IQCM: variants seen among roughly 807,000 people sequenced by gnomAD.
IQCM encodes IQ domain-containing protein M.
A neutral mutation model predicts 57.6 loss-of-function variants in IQCM; 45 were observed. The observed-to-expected ratio is 0.78, with a 90% CI of 0.62 to 1.00. IQCM has a LOEUF of 1.00. Ranked by LOEUF, IQCM falls within the 50% of genes least tolerant of loss-of-function variation. The pLI, the probability that IQCM is intolerant of heterozygous loss-of-function variation, is 0.00. For synonymous variants in IQCM, 148 were observed against 158.9 expected (o/e 0.93, Z 0.51); for missense variants, 468 against 511.6 (o/e 0.91, Z 0.82).
chr4:149,366,657 C>G (rs1304025879), intron 13 of IQCM, among the ~76,000 whole-genome samples: 1 of 151,626 alleles, frequency 6.6e-6, no homozygotes, highest in Non-Finnish European at 1.5e-5. Context: ...TTAGAAAATA[C>G]ATAACAGCAT....
At chr4:149,559,122 G>T (rs1194143963) in intron 10 of IQCM, among the ~76,000 whole-genome samples, 1 of 151,910 alleles carries the variant, frequency 6.6e-6, no homozygotes, top group Admixed American at 6.6e-5. Flanking sequence ...CAAACCCAAA[G>T]TCCTATCAAC....
intron 12 of IQCM, among the ~76,000 whole-genome samples, chr4:149,515,873 CTG>C (rs1744907520): frequency 6.6e-6 from 1 of 152,174 alleles, no homozygotes; most frequent in Non-Finnish European, 1.5e-5. Flanking sequence ...TGGTCAAAAA[CTG>C]TGAAGATATA....
At chr4:149,698,484 A>C (rs2149808396) in intron 5 of IQCM, among the ~76,000 whole-genome samples, 1 of 152,246 alleles carries the variant, frequency 6.6e-6, no homozygotes, top group African/African-American at 2.4e-5. Context: ...GTTCTCTACG[A>C]TGTTAGCAGA....
At chr4:149,512,620 A>C (rs1744544259) in intron 12 of IQCM, among the ~76,000 whole-genome samples, 1 of 152,198 alleles carries the variant, frequency 6.6e-6, no homozygotes, top group African/African-American at 2.4e-5. Context: ...ACTTACAATT[A>C]TGAAATCCAA....
At chr4:149,730,528 A>C (rs1190810593) in intron 5 of IQCM, among the ~76,000 whole-genome samples, 1 of 152,220 alleles carries the variant, frequency 6.6e-6, no homozygotes, top group Non-Finnish European at 1.5e-5. Flanking sequence ...TGTTCTAGTC[A>C]TGTAAAATCA....
chr4:149,398,634 T>G (rs373172599), intron 13 of IQCM, among the ~76,000 whole-genome samples: 1 of 152,122 alleles, frequency 6.6e-6, no homozygotes, highest in Non-Finnish European at 1.5e-5. Context: ...GTTTTCTTAA[T>G]GTACTTTCTG....
chr4:149,476,965 C>A (rs1740269332), intron 12 of IQCM, among the ~76,000 whole-genome samples: 1 of 152,122 alleles, frequency 6.6e-6, no homozygotes, highest in African/African-American at 2.4e-5. Flanking sequence ...AAGAGCCTCA[C>A]AAATACAGGA....
intron 5 of IQCM, among the ~76,000 whole-genome samples, chr4:149,699,905 A>G (rs1049807979): frequency 6.6e-6 from 1 of 151,766 alleles, no homozygotes; most frequent in Non-Finnish European, 1.5e-5. Flanking sequence ...CTTTCCCTCT[A>G]TCTCTTTCTC....
chr4:149,567,131 A>C lies in IQCM; in HGVS notation c.750-3241T>G, dbSNP rs367962238. Among the ~76,000 whole-genome samples, 3 of 152,056 alleles carry C rather than the reference A, an allele frequency of 2.0e-5. No individual in the cohort carries two copies. The East Asian group carries it at 5.8e-4, about 29-fold the overall frequency. ...AATATCAAAAAGTTCCTTTTATCAC[A>C]TAAGTATTCCTTTTATTGTGCTTGT... is the stretch of plus-strand genomic sequence containing the variant. On this transcript the variant is annotated intron_variant, in intron 9 of 13. Transcript: ENST00000636793.
chr4:149,638,681 T>A (rs989416941), intron 7 of IQCM, among the ~76,000 whole-genome samples: 2 of 152,218 alleles, frequency 1.3e-5, no homozygotes, highest in African/African-American at 4.8e-5. Context: ...ATATCAGCTA[T>A]TGACTAATTC....
chr4:149,656,334 G>T (rs568721851), intron 7 of IQCM, among the ~76,000 whole-genome samples: 37 of 151,824 alleles, frequency 2.4e-4, no homozygotes, highest in African/African-American at 8.0e-4. Context: ...AAATCATTTT[G>T]GAATCATCTT....
intron 7 of IQCM, among the ~76,000 whole-genome samples, chr4:149,633,328 T>C (rs1274903115): frequency 6.6e-6 from 1 of 152,166 alleles, no homozygotes; most frequent in African/African-American, 2.4e-5. Context: ...TTCAGTCCTT[T>C]CATCAGAAAG....
chr4:149,679,553 T>G (rs1762022263), intron 7 of IQCM, among the ~76,000 whole-genome samples: 1 of 151,558 alleles, frequency 6.6e-6, no homozygotes, highest in Non-Finnish European at 1.5e-5. Context: ...GACAAATATT[T>G]ATGGTGATGG....
chr4:149,750,873 A>C (rs1768373611), intron 2 of IQCM, among the ~76,000 whole-genome samples: 1 of 152,256 alleles, frequency 6.6e-6, no homozygotes, highest in South Asian at 2.1e-4. Context: ...CAACTGTTCC[A>C]ATAGAATTAT....
chr4:149,782,024 G>C (rs76144622), intron 2 of IQCM, among the ~76,000 whole-genome samples: 1 of 151,992 alleles, frequency 6.6e-6, no homozygotes, highest in Non-Finnish European at 1.5e-5. Context: ...AGAAGAGACC[G>C]TGTCTCAAAT....
intron 7 of IQCM, among the ~76,000 whole-genome samples, chr4:149,636,940 G>A (rs1449067039): frequency 3.3e-5 from 5 of 151,234 alleles, no homozygotes; most frequent in Non-Finnish European, 7.4e-5. Flanking sequence ...TCAGGAGATC[G>A]AGACCATCCT....
At chr4:149,719,020 G>A (rs1479777634) in intron 5 of IQCM, among the ~76,000 whole-genome samples, 3 of 152,202 alleles carry the variant, frequency 2.0e-5, no homozygotes, top group Admixed American at 6.5e-5. Flanking sequence ...TACACCTGAA[G>A]TGAAATTTTT....
intron 7 of IQCM, among the ~76,000 whole-genome samples, chr4:149,659,088 A>G (rs1046049290): frequency 5.9e-5 from 9 of 152,000 alleles, no homozygotes; most frequent in African/African-American, 2.2e-4. Flanking sequence ...CTCCTTTATT[A>G]GTCTTGCTAG....
At chr4:149,416,634 T>C (rs527422108) in intron 13 of IQCM, among the ~76,000 whole-genome samples, 13 of 152,096 alleles carry the variant, frequency 8.5e-5, no homozygotes, top group Admixed American at 6.6e-4. Context: ...CCTGTAAACA[T>C]AGGTGGCCAT....
Sources: allele counts gnomAD v4.1 joint callset (sites outside exome capture counted in the v4.1 genomes callset), GRCh38; gene constraint gnomAD v4.1.1; transcripts MANE v1.5; gene names NCBI Gene and HGNC (gene_info 2026-07-23, HGNC 2026-07-21).